Variants in UBR3 observed in about 807,000 individuals in gnomAD.
UBR3 encodes E3 ubiquitin-protein ligase UBR3.
UBR3 carries 85 observed loss-of-function variants against 243.2 expected under a neutral mutation model. That is an observed-to-expected ratio of 0.35 (90% CI 0.29 to 0.42). UBR3 has a LOEUF of 0.42. Ranked by LOEUF, UBR3 falls within the 10% of genes least tolerant of loss-of-function variation. The probability of loss-of-function intolerance (pLI) is 1.00; values close to 1 mark genes in which losing one functional copy is unlikely to be tolerated. For synonymous variants in UBR3, 748 were observed against 799.8 expected, an observed-to-expected ratio of 0.94 and a Z score of 1.09; for missense variants, 1,686 against 2,300.8, an observed-to-expected ratio of 0.73 and a Z score of 5.47.
At chr2:169,969,589 C>T (rs922360106) in intron 24 of UBR3, among the ~76,000 whole-genome samples, 1 of 145,862 alleles carries the variant, frequency 6.9e-6, no homozygotes. Flanking sequence ...TGCTCTGTTA[C>T]CCAGGCTGGA....
Position 169,964,643 on chromosome 2 carries a change from T to C in UBR3, c.3634+6117T>C. 8.1e-6 allele frequency: 3 copies of C among 369,866 alleles called. 1 individual carries two copies. Among genetic ancestry groups the C allele is most frequent in the South Asian group, 6.5e-5 (3 of 46,074 alleles). 22.9% of individuals were successfully genotyped at this position (369,866 alleles called of 1,614,324 possible). A position where few individuals can be genotyped will look rare whatever the true frequency, so the allele number is the denominator to read the frequency against. On this transcript the variant is annotated intron_variant, in intron 24 of 38. Transcript: ENST00000272793. ...AAGGTGAGTTCTGGGTGAAAAAGAATGTGACCTGAAGTTTGGAATTGCTGA... is the reference window on the plus strand; with the variant it reads ...AAGGTGAGTTCTGGGTGAAAAAGAACGTGACCTGAAGTTTGGAATTGCTGA...
chr2:170,054,835 A>G (rs2091298560), intron 32 of UBR3, among the ~76,000 whole-genome samples: 1 of 152,164 alleles, frequency 6.6e-6, no homozygotes, highest in Non-Finnish European at 1.5e-5. Context: ...AAGCCCAGGA[A>G]GGGCATTTGC....
intron 1 of UBR3, among the ~76,000 whole-genome samples, chr2:169,840,707 C>T (rs1430288078): frequency 6.6e-6 from 1 of 152,172 alleles, no homozygotes; most frequent in African/African-American, 2.4e-5. Flanking sequence ...CAGTTCTCTG[C>T]TTGGGCCTCA....
chr2:169,889,443 T>G (rs2084240035), intron 5 of UBR3, among the ~76,000 whole-genome samples: 1 of 152,224 alleles, frequency 6.6e-6, no homozygotes, highest in Non-Finnish European at 1.5e-5. Context: ...CTCTCAGGTC[T>G]TGGAGAACCA....
intron 29 of UBR3, among the ~76,000 whole-genome samples, chr2:170,012,678 T>TG (rs1264975305): frequency 1.3e-5 from 2 of 151,070 alleles, no homozygotes; most frequent in South Asian, 2.1e-4. Context: ...TACTGGTTTT[T>TG]TTTTTTTTTT....
intron 24 of UBR3, among the ~76,000 whole-genome samples, chr2:169,982,357 T>G (rs1025090943): frequency 3.9e-5 from 6 of 152,232 alleles, no homozygotes; most frequent in African/African-American, 1.4e-4. Flanking sequence ...AATACTTATT[T>G]TAGTTTAAAT....
At chr2:169,994,931 G>A (rs1574359826) in intron 26 of UBR3, among the ~76,000 whole-genome samples, 1 of 152,152 alleles carries the variant, frequency 6.6e-6, no homozygotes, top group East Asian at 1.9e-4. Flanking sequence ...GAGTCAGTAT[G>A]GGTGTGGATG....
intron 32 of UBR3, among the ~76,000 whole-genome samples, chr2:170,054,174 C>G (rs535899156): frequency 4.6e-5 from 7 of 152,156 alleles, no homozygotes; most frequent in African/African-American, 1.7e-4. Flanking sequence ...ATTGCCCAGG[C>G]TGGAGTTAAG....
At chr2:169,837,274 C>T (rs1215398105) in intron 1 of UBR3, among the ~76,000 whole-genome samples, 5 of 152,148 alleles carry the variant, frequency 3.3e-5, no homozygotes, top group Non-Finnish European at 5.9e-5. Flanking sequence ...GTCGGGAGTT[C>T]GAGACCAGCC....
intron 9 of UBR3, 65 bp downstream of exon 9, chr2:169,905,358 A>G (rs2084974705): frequency 8.2e-7 from 1 of 1,221,756 alleles, no homozygotes; most frequent in Non-Finnish European, 1.1e-6. Flanking sequence ...ATTATTAAAT[A>G]TCAATTAAAA....
intron 1 of UBR3, among the ~76,000 whole-genome samples, chr2:169,858,626 GTC>G (rs567848165): frequency 6.6e-6 from 1 of 151,856 alleles, no homozygotes; most frequent in Admixed American, 6.6e-5. Context: ...TTGAGACAGA[GTC>G]TCTCTCTCTT....
intron 26 of UBR3, among the ~76,000 whole-genome samples, chr2:169,998,896 T>A (rs2089593487): frequency 6.6e-6 from 1 of 152,206 alleles, no homozygotes; most frequent in Non-Finnish European, 1.5e-5. Flanking sequence ...AAAGTTATCA[T>A]TCCTCTCTTG....
At chr2:169,990,555 T>C (rs2089225121) in intron 25 of UBR3, among the ~76,000 whole-genome samples, 1 of 152,088 alleles carries the variant, frequency 6.6e-6, no homozygotes, top group Non-Finnish European at 1.5e-5. Context: ...ATGTTCTTGT[T>C]TGTGGAAGAG....
intron 24 of UBR3, among the ~76,000 whole-genome samples, chr2:169,984,509 A>G (rs62171982): frequency 0.065 from 9,899 of 152,178 alleles, 337 homozygotes; most frequent in Non-Finnish European, 0.083. Flanking sequence ...TACATACAGT[A>G]TGTACTTTTT....
At chr2:169,968,925 G>A (rs1010194696) in intron 24 of UBR3, among the ~76,000 whole-genome samples, 1 of 151,996 alleles carries the variant, frequency 6.6e-6, no homozygotes, top group Admixed American at 6.6e-5. Context: ...GTTTTGATTT[G>A]TATTCCCAGA....
chr2:169,922,843 T>G (rs1200237595), intron 11 of UBR3, among the ~76,000 whole-genome samples: 4 of 152,212 alleles, frequency 2.6e-5, no homozygotes, highest in African/African-American at 9.6e-5. Context: ...CCTTTACATA[T>G]TGAAGAGGAT....
chr2:170,070,769 G>C (rs1198696193), intron 35 of UBR3, among the ~76,000 whole-genome samples: 2 of 152,040 alleles, frequency 1.3e-5, no homozygotes, highest in Non-Finnish European at 2.9e-5. Context: ...TACTGGCAAG[G>C]CTTGCACAAT....
In UBR3 at chr2:169,877,496, C is replaced by A; in HGVS notation, c.847C>A (p.Leu283Ile). The A allele has an allele frequency of 1.3e-6, 2 of 1,526,130 alleles. No individual in the cohort carries two copies. The highest frequency in any genetic ancestry group is 1.3e-5 in the South Asian group (1 of 78,760). The allele number at this position is 1,526,130 out of a possible 1,614,324, so 94.5% of individuals were successfully genotyped here. A position where few individuals can be genotyped will look rare whatever the true frequency, so the allele number is the denominator to read the frequency against. Reference protein sequence around the residue: ...QQNYKDLTSGLGENACVKKSH... With the variant: ...QQNYKDLTSGIGENACVKKSH... ...GATTTGAAGTTTGTTTTAATTAGGT[C>A]TTGGAGAAAATGCTTGTGTAAAGAA... Residue 283 changes from leucine (L) to isoleucine (I), a missense_variant and splice_region_variant, in exon 4 of 39, where the codon CTT (leucine) becomes ATT (isoleucine). By Grantham distance (5) the Leu-to-Ile change is conservative. Transcript: ENST00000272793.
chr2:170,080,284 T>G, intron 37 of UBR3: 1 of 563,544 alleles, frequency 1.8e-6, no homozygotes, highest in Non-Finnish European at 3.0e-6. Flanking sequence ...GAATGTGCTG[T>G]GAAACAGAAG....
Sources: allele counts gnomAD v4.1 joint callset (sites outside exome capture counted in the v4.1 genomes callset), GRCh38; gene constraint gnomAD v4.1.1; transcripts MANE v1.5; gene names NCBI Gene and HGNC (gene_info 2026-07-23, HGNC 2026-07-21).